YEATS4: variants seen among roughly 807,000 people sequenced by gnomAD.
The protein encoded by YEATS4 is YEATS domain-containing protein 4.
YEATS4 carries 17 observed loss-of-function variants against 30.1 expected under a neutral mutation model. That is an observed-to-expected ratio of 0.56 (90% CI 0.39 to 0.85). YEATS4 has a LOEUF of 0.85. YEATS4 is among the 40% of genes least tolerant of loss of function. The pLI is 0.00. For synonymous variants in YEATS4, 85 were observed against 87.5 expected, an observed-to-expected ratio of 0.97 and a Z score of 0.16; for missense variants, 142 against 268.3, an observed-to-expected ratio of 0.53 and a Z score of 3.29.
At chr12:69,400,015 C>T in the YEATS4 span, among the ~76,000 whole-genome samples, 9 of 151,940 alleles carry the variant, frequency 5.9e-5, no homozygotes, top group Middle Eastern at 3.2e-3. Context: ...AATTTTTTTA[C>T]GTGGCGGTGA....
rs1248690867 is a variant in YEATS4 at position 69,360,041 on chromosome 12, C to T, written c.51+18C>T. The stretch of plus-strand genomic sequence containing the variant: ...GAGTAAAGGTCAGTGCCCGGACCGC[C>T]CCTCTTCCGGGGTGGCTCTCCCGCC... On this transcript the variant is annotated intron_variant, in intron 1 of 6. Coordinates refer to ENST00000247843, the MANE Select transcript of YEATS4 (RefSeq NM_006530.4). The T allele has an allele frequency of 9.3e-6, 15 of 1,611,234 alleles. No individual in the cohort carries two copies. The highest frequency in any genetic ancestry group is 1.3e-5 in the Non-Finnish European group (15 of 1,178,708).
intron 6 of YEATS4, among the ~76,000 whole-genome samples, chr12:69,374,395 A>G (rs1875760731): frequency 6.6e-6 from 1 of 150,896 alleles, no homozygotes; most frequent in South Asian, 2.1e-4. Flanking sequence ...AAATGAGATT[A>G]CTTTCTTTTT....
chr12:69,413,003 C>G, the YEATS4 span, among the ~76,000 whole-genome samples: 39 of 152,020 alleles, frequency 2.6e-4, no homozygotes, highest in Admixed American at 2.6e-3. Context: ...ATTGGAAAGA[C>G]AGAAAAAAAA....
chr12:69,390,009 T>C, intron 6 of YEATS4, 138 bp from the exon 7 acceptor site: 1 of 626,564 alleles, frequency 1.6e-6, no homozygotes, highest in Non-Finnish European at 2.5e-6. Context: ...CCTGCACCCA[T>C]GTTTAATGTT....
chr12:69,421,473 T>A, the YEATS4 span, among the ~76,000 whole-genome samples: 1 of 152,134 alleles, frequency 6.6e-6, no homozygotes, highest in Admixed American at 6.5e-5. Flanking sequence ...CATGTATACC[T>A]TAAAAAAATG....
intron 6 of YEATS4, among the ~76,000 whole-genome samples, chr12:69,374,422 A>T (rs1404668674): frequency 2.0e-5 from 3 of 151,006 alleles, no homozygotes; most frequent in African/African-American, 4.9e-5. Flanking sequence ...TTAATTTTTT[A>T]GTATTTATTG....
chr12:69,399,403 G>A, the YEATS4 span, among the ~76,000 whole-genome samples: 1 of 152,078 alleles, frequency 6.6e-6, no homozygotes, highest in African/African-American at 2.4e-5. Context: ...CATATAAAAA[G>A]ATGCTTAACA....
At chr12:69,362,988 T>TAA in intron 2 of YEATS4, 81 bp downstream of exon 2, 9 of 1,114,948 alleles carry the variant, frequency 8.1e-6, no homozygotes, top group South Asian at 4.6e-5. Context: ...TGTAGTTTTT[T>TAA]TTTTTTTTTT....
downstream of YEATS4, among the ~76,000 whole-genome samples, chr12:69,395,494 A>G (rs1451570249): frequency 6.6e-6 from 1 of 152,200 alleles, no homozygotes; most frequent in African/African-American, 2.4e-5. Context: ...TATAAGTAAT[A>G]TGTTAGTAAG....
intron 6 of YEATS4, among the ~76,000 whole-genome samples, chr12:69,380,333 A>G (rs1172738371): frequency 6.6e-6 from 1 of 152,142 alleles, no homozygotes; most frequent in Non-Finnish European, 1.5e-5. Context: ...AGGCCCAGTA[A>G]TGCTGTGGTT....
chr12:69,417,729 G>A, the YEATS4 span, among the ~76,000 whole-genome samples: 33 of 152,108 alleles, frequency 2.2e-4, no homozygotes, highest in African/African-American at 8.0e-4. Flanking sequence ...GTGTTTCTGT[G>A]AAAACAACAG....
At chr12:69,375,458 A>G (rs1355477837) in intron 6 of YEATS4, among the ~76,000 whole-genome samples, 1 of 139,122 alleles carries the variant, frequency 7.2e-6, no homozygotes, top group African/African-American at 2.8e-5. Context: ...ATCCCAGACG[A>G]TGGGCGGCCA....
chr12:69,414,676 T>C, the YEATS4 span, among the ~76,000 whole-genome samples: 1 of 152,260 alleles, frequency 6.6e-6, no homozygotes. Context: ...ATGAACTTTC[T>C]TGGCATATAA....
chr12:69,417,153 A>AG, the YEATS4 span, among the ~76,000 whole-genome samples: 3 of 136,378 alleles, frequency 2.2e-5, no homozygotes, highest in African/African-American at 8.2e-5. Context: ...ATTTTTTAAA[A>AG]ATTTTTTTTT....
At chr12:69,423,732 A>T in the YEATS4 span, among the ~76,000 whole-genome samples, 1 of 152,218 alleles carries the variant, frequency 6.6e-6, no homozygotes, top group Non-Finnish European at 1.5e-5. Context: ...GTTAGAAAGA[A>T]CACACTGGCT....
At chr12:69,409,473 C>T in the YEATS4 span, among the ~76,000 whole-genome samples, 1 of 151,948 alleles carries the variant, frequency 6.6e-6, no homozygotes, top group Non-Finnish European at 1.5e-5. Flanking sequence ...AAAAATTAGC[C>T]AGCCATGGTG....
intron 1 of YEATS4, 95 bp from the exon 2 acceptor site, chr12:69,362,693 C>T: frequency 1.1e-6 from 1 of 895,200 alleles, no homozygotes; most frequent in Admixed American, 3.5e-5. Context: ...AGATTGTTAG[C>T]CTGCCATTCT....
At chr12:69,381,907 C>CAA (rs1183108794) in intron 6 of YEATS4, among the ~76,000 whole-genome samples, 3 of 152,184 alleles carry the variant, frequency 2.0e-5, no homozygotes, top group Non-Finnish European at 4.4e-5. Flanking sequence ...TGTAATTCCA[C>CAA]AATTTACTAC....
chr12:69,401,186 T>G, the YEATS4 span: 1 of 149,168 alleles, frequency 6.7e-6, no homozygotes, highest in Admixed American at 6.8e-5. Context: ...GGCAACACAG[T>G]GAGACCTTGT....
Sources: allele counts gnomAD v4.1 joint callset (sites outside exome capture counted in the v4.1 genomes callset), GRCh38; gene constraint gnomAD v4.1.1; transcripts MANE v1.5; gene names NCBI Gene and HGNC (gene_info 2026-07-23, HGNC 2026-07-21).